The following THBS4 variants were observed in gnomAD, a reference collection of about 807,000 sequenced individuals.
THBS4 encodes the protein thrombospondin 4, also known as thrombospondin-4.
A neutral mutation model predicts 115.7 loss-of-function variants in THBS4; 90 were observed. That is an observed-to-expected ratio of 0.78 (90% CI 0.66 to 0.93). THBS4 has a LOEUF of 0.93. THBS4 is among the 40% of genes least tolerant of loss of function. THBS4 has a pLI of 0.00. For missense variants in THBS4, 1,087 were observed against 1,232.7 expected, an observed-to-expected ratio of 0.88 and a Z score of 1.77; for synonymous variants, 460 against 479.3, an observed-to-expected ratio of 0.96 and a Z score of 0.53.
rs145074786 is a variant in THBS4, at chr5:80,077,634, G to A, written c.2087-415G>A. On this transcript the variant is annotated intron_variant, in intron 16 of 21. Transcript: ENST00000350881. The stretch of plus-strand genomic sequence containing the variant: ...AACACACACGTGGGGGCCACCAGAA[G>A]TTAGTGTTAGAGATATTCTGGTAAC... Among the ~76,000 whole-genome samples, 246 of 152,306 alleles carry A rather than the reference G, an allele frequency of 1.6e-3. 3 individuals carry two copies. Among genetic ancestry groups the A allele is most frequent in the Non-Finnish European group, 1.7e-3 (117 of 68,028 alleles).
intron 8 of THBS4, 47 bp from the exon 9 acceptor site, chr5:80,065,362 T>G: frequency 2.6e-6 from 4 of 1,519,030 alleles, no homozygotes; most frequent in Non-Finnish European, 2.7e-6. Context: ...GCATTTCTAT[T>G]TAAGCAGCAT....
chr5:80,029,926 C>T (rs914759591), intron 2 of THBS4, among the ~76,000 whole-genome samples: 5 of 152,074 alleles, frequency 3.3e-5, no homozygotes, highest in South Asian at 4.2e-4. Flanking sequence ...GCCGAGATCG[C>T]GCTGCTGCAC....
chr5:80,045,723 G>A (rs1166571275), intron 2 of THBS4, among the ~76,000 whole-genome samples: 1 of 151,996 alleles, frequency 6.6e-6, no homozygotes, highest in African/African-American at 2.4e-5. Context: ...TAGAGACAGG[G>A]TTTCTCCATG....
Position 80,059,429 on chromosome 5 carries a change from C to T in THBS4, c.733-11C>T, listed in dbSNP as rs1484451196. 4.3e-6 allele frequency: 7 copies of T among 1,613,000 alleles called. No homozygotes were observed. The stretch of plus-strand genomic sequence containing the variant: ...CTTTTCAATCCTTTTTTCCCCTTCT[C>T]ATTTTTAAAGGTTAAGGAAACATCA... On this transcript the variant is annotated splice_polypyrimidine_tract_variant and intron_variant, in intron 5 of 21. Coordinates refer to ENST00000350881, the MANE Select transcript of THBS4 (RefSeq NM_003248.6).
chr5:80,006,257 T>C (rs564466750), intron 2 of THBS4, among the ~76,000 whole-genome samples: 12 of 152,180 alleles, frequency 7.9e-5, no homozygotes, highest in Non-Finnish European at 1.8e-4. Flanking sequence ...TGAATTGTAC[T>C]CCCATAATTC....
chr5:80,061,214 T>C (rs1580963779), intron 7 of THBS4, among the ~76,000 whole-genome samples: 1 of 152,166 alleles, frequency 6.6e-6, no homozygotes, highest in Admixed American at 6.5e-5. Context: ...TAGCATGGAC[T>C]TGACAGGACA....
intron 1 of THBS4, among the ~76,000 whole-genome samples, chr5:79,995,897 G>A (rs888330456): frequency 5.9e-5 from 9 of 152,092 alleles, no homozygotes; most frequent in East Asian, 3.9e-4. Context: ...GCCAAGGCAG[G>A]CAGACCACTT....
In THBS4 at chr5:80,040,203, C is replaced by G; in HGVS notation, c.215C>G (p.Ala72Gly). 6 of 1,614,096 alleles carry G rather than the reference C, an allele frequency of 3.7e-6. No homozygotes were observed. The highest frequency in any genetic ancestry group is 5.1e-6 in the Non-Finnish European group (6 of 1,180,000). The change falls in exon 2 of 22, where the codon GCC becomes GGC. Residue 72 changes from alanine (A) to glycine (G), a missense_variant. Physicochemically the swap from Ala to Gly is moderately conservative, Grantham distance 60 (BLOSUM62 0). Around this residue, in one of 3 missense-constraint regions of THBS4, gnomAD observed 979 missense variants for 1,103.7 expected, o/e 0.89. Coordinates refer to ENST00000350881, the MANE Select transcript of THBS4 (RefSeq NM_003248.6). ...TTCAAGCTGCAGACTAAAAGTTCAG[C>G]CACCATCTTCGGTCTTTACTCTTCA... Reference protein sequence around the residue: ...STFKLQTKSSATIFGLYSSTD... With the variant: ...STFKLQTKSSGTIFGLYSSTD...
intron 14 of THBS4, chr5:80,072,644 A>G: frequency 2.1e-6 from 1 of 487,416 alleles, no homozygotes; most frequent in Non-Finnish European, 3.7e-6. Context: ...GAACTTCATG[A>G]TGCTCAATAC....
chr5:80,063,074 C>T (rs368373914), intron 8 of THBS4, among the ~76,000 whole-genome samples: 5 of 152,236 alleles, frequency 3.3e-5, no homozygotes, highest in Admixed American at 2.0e-4. Flanking sequence ...TGGGTCAAAT[C>T]GTATTTCTAG....
chr5:80,057,128 G>T (rs1833459476), intron 3 of THBS4, among the ~76,000 whole-genome samples: 1 of 152,138 alleles, frequency 6.6e-6, no homozygotes, highest in African/African-American at 2.4e-5. Flanking sequence ...TTAATAGAAA[G>T]ATATGCTAAA....
rs750803438 is a variant in THBS4, at chr5:80,035,590, G to C, written c.53G>C (p.Arg18Pro). 14 of 1,433,130 alleles carry C rather than the reference G, an allele frequency of 9.8e-6. No homozygotes were observed. The highest frequency in any genetic ancestry group is 1.3e-5 in the Non-Finnish European group (14 of 1,092,288). The allele number at this position is 1,433,130 out of a possible 1,614,324, so 88.8% of individuals were successfully genotyped here. A position where few individuals can be genotyped will look rare whatever the true frequency, so the allele number is the denominator to read the frequency against. Residue 18 changes from arginine (R) to proline (P), a missense_variant, in exon 1 of 22, where the codon CGG (arginine) becomes CCG (proline). Arg to Pro is a moderately radical substitution (Grantham distance 103, BLOSUM62 -2). This residue lies in a region of THBS4 where 979 missense variants were observed against 1,103.7 expected (regional missense o/e 0.89). Transcript: ENST00000350881. The surrounding 1 kb of genome is among the most constrained non-coding windows in gnomAD (Gnocchi z 4.6). ...CTCCTGCTGCACCTGGTCCTGCAGC[G>C]GTGGCTAGCGGCAGGCGCCCAGGCC... The part of the protein sequence containing the change: ...AVLLLHLVLQ[R>P]WLAAGAQATP...
At position 80,078,056 on chromosome 5, in the gene THBS4, A is replaced by G; in HGVS notation, c.2094A>G (p.Gly698=). ...NPAQEDSNSD[G]VGDICESDFD... Reference sequence around the variant, plus strand: ...TTTCTCCACCCCACTCAGGCGACGGAGTGGGAGACATCTGTGAGTCTGACT... The same window carrying G: ...TTTCTCCACCCCACTCAGGCGACGGGGTGGGAGACATCTGTGAGTCTGACT... Residue 698 remains glycine (G), a synonymous_variant, in exon 17 of 22, where the codon GGA becomes GGG. Transcript: ENST00000350881. 1 of 1,583,960 alleles carries G rather than the reference A, an allele frequency of 6.3e-7. No homozygotes were observed. The highest frequency in any genetic ancestry group is 1.1e-5 in the South Asian group (1 of 87,572).
intron 20 of THBS4, among the ~76,000 whole-genome samples, chr5:80,080,792 G>A (rs1429765126): frequency 6.6e-6 from 1 of 151,680 alleles, no homozygotes; most frequent in African/African-American, 2.4e-5. Context: ...TCACCATGCT[G>A]GCCAGGCTGG....
intron 2 of THBS4, among the ~76,000 whole-genome samples, chr5:80,048,081 C>T (rs1833133242): frequency 6.6e-6 from 1 of 152,126 alleles, no homozygotes; most frequent in South Asian, 2.1e-4. Context: ...TGCCACTGCA[C>T]TCCAGCCTGG....
chr5:80,080,711 C>T (rs939586036), intron 20 of THBS4, among the ~76,000 whole-genome samples: 6 of 151,062 alleles, frequency 4.0e-5, no homozygotes, highest in South Asian at 2.1e-4. Context: ...CTCAGCCTCC[C>T]GAGTAGCTGG....
At chr5:80,014,475 C>G (rs1238998236) in intron 2 of THBS4, among the ~76,000 whole-genome samples, 1 of 152,168 alleles carries the variant, frequency 6.6e-6, no homozygotes, top group African/African-American at 2.4e-5. Flanking sequence ...TTGGAAGCAT[C>G]AACATTCTCA....
intron 2 of THBS4, chr5:80,019,463 A>T (rs557266287): frequency 6.6e-6 from 1 of 152,360 alleles, no homozygotes; most frequent in Admixed American, 6.5e-5. Context: ...TGGAATTATC[A>T]TTACTTTTCT....
intron 3 of THBS4, among the ~76,000 whole-genome samples, chr5:80,056,740 G>A (rs1162288714): frequency 6.6e-6 from 1 of 151,732 alleles, no homozygotes; most frequent in Admixed American, 6.6e-5. Context: ...AATTTCATCC[G>A]CTATATAAGC....
Sources: gnomAD v4.1 joint callset for allele counts (sites outside exome capture counted in the v4.1 genomes callset) on GRCh38, gnomAD v4.1.1 for gene constraint, gnomAD v4.1.1 regional missense constraint, Gnocchi (gnomAD v3.1) non-coding constraint, MANE v1.5 for transcripts, NCBI Gene and HGNC (gene_info 2026-07-23, HGNC 2026-07-21) for gene names.